Variants in TIMM23B observed in about 807,000 individuals in gnomAD.
The protein encoded by TIMM23B is translocase of inner mitochondrial membrane 23 homolog B.
TIMM23B carries 27 observed loss-of-function variants against 27.3 expected under a neutral mutation model. The ratio of observed to expected loss-of-function variants is 0.99; its 90% CI spans 0.73 to 1.36. The LOEUF (loss-of-function observed/expected upper bound fraction) is 1.36. Ranked by LOEUF, TIMM23B falls within the 40% of genes most tolerant of loss-of-function variation. TIMM23B has a pLI of 0.00. For synonymous variants in TIMM23B, 73 were observed against 92.4 expected (o/e 0.79, Z 1.21); for missense variants, 205 against 244.2 (o/e 0.84, Z 1.07).
chr10:49,943,737 GTTTTTTTTTTT>G (rs35547755), intron 1 of TIMM23B, among the ~76,000 whole-genome samples: 3 of 113,612 alleles, frequency 2.6e-5, no homozygotes, highest in East Asian at 2.4e-4. Context: ...GTTTTTGTGG[GTTTTTTTTTTT>G]TTTTTTTTTT....
chr10:49,963,214 A>G lies in TIMM23B; in HGVS notation c.514+4734A>G, dbSNP rs1265128899. On this transcript the variant is annotated intron_variant, in intron 6 of 6. Coordinates refer to ENST00000651259, the MANE Select transcript of TIMM23B (RefSeq NM_001290117.2). ...TCAGAATGAAATGACGTGACATGAC[A>G]TGACATGATGAAATGAATAATGAAA... is the stretch of plus-strand genomic sequence containing the variant. Among the ~76,000 whole-genome samples, 3 of 152,382 alleles carry G rather than the reference A, an allele frequency of 2.0e-5. No homozygotes were observed. The East Asian group carries it at 5.8e-4, about 29-fold the overall frequency.
chr10:49,954,678 TTATA>T (rs1839655191), intron 4 of TIMM23B, among the ~76,000 whole-genome samples: 2 of 150,818 alleles, frequency 1.3e-5, no homozygotes, highest in South Asian at 4.2e-4. Flanking sequence ...ATTCAAAGCC[TTATA>T]TATATTTAAT....
At chr10:49,972,159 T>G (rs1221957126) in intron 6 of TIMM23B, among the ~76,000 whole-genome samples, 1 of 152,218 alleles carries the variant, frequency 6.6e-6, no homozygotes, top group Non-Finnish European at 1.5e-5. Context: ...CGAAGAAGTA[T>G]TATTTTTCAG....
chr10:49,952,522 A>C lies in TIMM23B; in HGVS notation c.333A>C (p.Pro111=). The stretch of plus-strand genomic sequence containing the variant: ...CCCAGAACATGGCCTGGTCCAAACC[A>C]GGAAATGTACAGTAAGTCTCTTGTA... ...KETQNMAWSK[P]GNVQILNMVT... is the part of the protein sequence containing the mutation. The change falls in exon 4 of 7, where the codon CCA becomes CCC. Residue 111 remains proline (P), a synonymous_variant. Coordinates refer to ENST00000651259, the MANE Select transcript of TIMM23B (RefSeq NM_001290117.2). 1 of 1,613,210 alleles carries C rather than the reference A, an allele frequency of 6.2e-7. No homozygotes were observed. The highest frequency in any genetic ancestry group is 1.1e-5 in the South Asian group (1 of 90,978).
chr10:49,942,138 C>T lies in TIMM23B; in HGVS notation c.-57C>T. On this transcript the variant is annotated 5_prime_UTR_variant, in exon 1 of 7. Coordinates refer to ENST00000651259, the MANE Select transcript of TIMM23B (RefSeq NM_001290117.2). ...CCGCTGTTATTGAGGAGTAACGGCC[C>T]AGCGGACCACCCAGGCTTGAGGCAG... 2.6e-6 allele frequency: 4 copies of T among 1,539,256 alleles called. No homozygotes were observed. Among genetic ancestry groups the T allele is most frequent in the Non-Finnish European group, 2.6e-6 (3 of 1,136,894 alleles).
At chr10:49,950,828 C>G (rs1360973509) in intron 2 of TIMM23B, among the ~76,000 whole-genome samples, 3 of 152,218 alleles carry the variant, frequency 2.0e-5, no homozygotes, top group Non-Finnish European at 4.4e-5. Flanking sequence ...AGGCGGGAGG[C>G]ACCGTGCCTG....
chr10:49,960,602 C>T (rs1839864715), intron 6 of TIMM23B, among the ~76,000 whole-genome samples: 1 of 151,716 alleles, frequency 6.6e-6, no homozygotes, highest in Non-Finnish European at 1.5e-5. Context: ...AACTAAAATT[C>T]AGACAAGTTA....
chr10:49,963,520 C>G (rs1299327585), intron 6 of TIMM23B, among the ~76,000 whole-genome samples: 1 of 151,512 alleles, frequency 6.6e-6, no homozygotes, highest in African/African-American at 2.4e-5. Flanking sequence ...CAATGAAATG[C>G]CGGGTGAAAT....
chr10:49,947,932 GGAAAAA>G (rs1839406041), intron 2 of TIMM23B, among the ~76,000 whole-genome samples: 1 of 151,646 alleles, frequency 6.6e-6, no homozygotes, highest in Non-Finnish European at 1.5e-5. Flanking sequence ...TGTCTCAAAA[GGAAAAA>G]AATGGGGAAA....
intron 2 of TIMM23B, among the ~76,000 whole-genome samples, chr10:49,948,176 T>C (rs1227146916): frequency 6.6e-6 from 1 of 152,224 alleles, no homozygotes; most frequent in Non-Finnish European, 1.5e-5. Context: ...ATGAGATGCC[T>C]CTTTACACCC....
Position 49,942,106 on chromosome 10 carries a change from G to C in TIMM23B, c.-89G>C, listed in dbSNP as rs1208481709. 7.0e-7 allele frequency: 1 copy of C among 1,435,926 alleles called. No individual in the cohort carries two copies. The highest frequency in any genetic ancestry group is 9.3e-7 in the Non-Finnish European group (1 of 1,070,962). The allele number at this position is 1,435,926 out of a possible 1,614,324, so 88.9% of individuals were successfully genotyped here. A position where few individuals can be genotyped will look rare whatever the true frequency, so the allele number is the denominator to read the frequency against. On this transcript the variant is annotated 5_prime_UTR_variant, in exon 1 of 7. Coordinates refer to ENST00000651259, the MANE Select transcript of TIMM23B (RefSeq NM_001290117.2). ...GTGTGAAGTAGGCGCTGGCAACGCG[G>C]GGTTACCCGCTGTTATTGAGGAGTA...
At chr10:49,966,896 G>A (rs1316865795) in intron 6 of TIMM23B, among the ~76,000 whole-genome samples, 7 of 152,046 alleles carry the variant, frequency 4.6e-5, no homozygotes, top group African/African-American at 1.4e-4. Flanking sequence ...TTTCCCTCAT[G>A]ATCTTTCTAT....
chr10:49,957,002 G>A (rs1349658069), intron 5 of TIMM23B, among the ~76,000 whole-genome samples: 11 of 147,842 alleles, frequency 7.4e-5, no homozygotes, highest in African/African-American at 2.7e-4. Flanking sequence ...CAGCAGTTGG[G>A]TGTCCTCCTG....
chr10:49,966,065 A>ATGAC (rs1840134922), intron 6 of TIMM23B, among the ~76,000 whole-genome samples: 10 of 143,576 alleles, frequency 7.0e-5, no homozygotes, highest in Non-Finnish European at 1.4e-4. Flanking sequence ...CTCGAAATGA[A>ATGAC]ATGACATGAC....
In TIMM23B at chr10:49,973,066, C is replaced by T; in HGVS notation, c.*2C>T. 1 of 1,533,138 alleles carries T rather than the reference C, an allele frequency of 6.5e-7. No homozygotes were observed. The highest frequency in any genetic ancestry group is 8.7e-7 in the Non-Finnish European group (1 of 1,146,378). 95.0% of individuals were successfully genotyped at this position (1,533,138 alleles called of 1,614,324 possible). ...TGTGTGCTGCTGTCTGGCTCCTGAACCCAGCTGTAGAGGTGTGTGTCAATC... is the reference window on the plus strand; with the variant it reads ...TGTGTGCTGCTGTCTGGCTCCTGAATCCAGCTGTAGAGGTGTGTGTCAATC... On this transcript the variant is annotated 3_prime_UTR_variant, in exon 7 of 7. Coordinates refer to ENST00000651259, the MANE Select transcript of TIMM23B (RefSeq NM_001290117.2).
chr10:49,951,981 A>G, intron 2 of TIMM23B, 145 bp from the exon 3 acceptor site: 2 of 615,346 alleles, frequency 3.3e-6, no homozygotes, highest in South Asian at 4.4e-5. Context: ...ACTGCTGCAG[A>G]AAGTTTTATT....
intron 6 of TIMM23B, among the ~76,000 whole-genome samples, chr10:49,970,671 C>A (rs1840397813): frequency 6.8e-6 from 1 of 147,694 alleles, no homozygotes; most frequent in African/African-American, 2.5e-5. Context: ...AGGTGGGGGG[C>A]AGCCCCTGCC....
rs1227427197 is a variant in TIMM23B, at chr10:49,942,200, A to C, written c.6A>C (p.Glu2Asp). 1 of 1,604,548 alleles carries C rather than the reference A, an allele frequency of 6.2e-7. No individual in the cohort carries two copies. Among genetic ancestry groups the C allele is most frequent in the East Asian group, 2.2e-5 (1 of 44,566 alleles). Residue 2 changes from glutamate (E) to aspartate (D), a missense_variant, in exon 1 of 7, where the codon GAA (glutamate) becomes GAC (aspartate). Glu to Asp is a conservative substitution (Grantham distance 45). Transcript: ENST00000651259. ...ACTCGGTTTGCTGCGATACCATGGAAGGAGGCGGGGGAAGCGGCGACAAAA... is the reference window on the plus strand; with the variant it reads ...ACTCGGTTTGCTGCGATACCATGGACGGAGGCGGGGGAAGCGGCGACAAAA... M[E>D]GGGGSGDKTT...
At chr10:49,950,623 A>G (rs1379129847) in intron 2 of TIMM23B, among the ~76,000 whole-genome samples, 2 of 148,092 alleles carry the variant, frequency 1.4e-5, no homozygotes, top group Non-Finnish European at 3.0e-5. Flanking sequence ...GCTCACTGCA[A>G]CCTCCACCCC....
Sources: allele counts gnomAD v4.1 joint callset (sites outside exome capture counted in the v4.1 genomes callset), GRCh38; gene constraint gnomAD v4.1.1; transcripts MANE v1.5; gene names NCBI Gene and HGNC (gene_info 2026-07-23, HGNC 2026-07-21).